Variants in MEGF10 observed in about 807,000 individuals in gnomAD.
MEGF10 encodes the protein multiple epidermal growth factor-like domains protein 10.
A neutral mutation model predicts 147.5 loss-of-function variants in MEGF10; 86 were observed. The ratio of observed to expected loss-of-function variants is 0.58; its 90% confidence interval spans 0.49 to 0.70. The LOEUF is 0.70. Ranked by LOEUF, MEGF10 falls within the 30% of genes least tolerant of loss-of-function variation. The pLI is 0.00. For missense variants in MEGF10, 1,329 were observed against 1,487.3 expected, an observed-to-expected ratio of 0.89 and a Z score of 1.75; for synonymous variants, 478 against 525.5, an observed-to-expected ratio of 0.91 and a Z score of 1.24.
chr5:127,423,817 T>G (rs1447853394), intron 13 of MEGF10, among the ~76,000 whole-genome samples: 1 of 152,174 alleles, frequency 6.6e-6, no homozygotes, highest in East Asian at 1.9e-4. Context: ...TTTTATTCCA[T>G]TCTTTGAGTT....
At chr5:127,451,654 C>T (rs191041138) in intron 22 of MEGF10, among the ~76,000 whole-genome samples, 57 of 152,284 alleles carry the variant, frequency 3.7e-4, no homozygotes, top group African/African-American at 1.2e-3. Flanking sequence ...CCAGAAGATA[C>T]GGCATCACTG....
At position 127,457,365 on chromosome 5, in the gene MEGF10, T is replaced by C. The variant is rs1273378262; in HGVS notation, c.*47T>C. The C allele has an allele frequency of 6.4e-7, 1 of 1,568,170 alleles. No homozygotes were observed. The highest frequency in any genetic ancestry group is 1.8e-5 in the Admixed American group (1 of 54,550). On this transcript the variant is annotated 3_prime_UTR_variant, in exon 25 of 25. Coordinates refer to ENST00000503335, the MANE Select transcript of MEGF10 (RefSeq NM_001256545.2). ...CCACTGGAACCCTTTCCAGAACTGC[T>C]GTTTGGTTCTTCTCCATCCTCAATT... is the stretch of plus-strand genomic sequence containing the variant.
intron 4 of MEGF10, among the ~76,000 whole-genome samples, chr5:127,352,432 C>T (rs1762116169): frequency 6.6e-6 from 1 of 152,162 alleles, no homozygotes; most frequent in South Asian, 2.1e-4. Flanking sequence ...GAGGCCGAGG[C>T]AGGCAGATCA....
chr5:127,392,952 A>T (rs781341958), intron 5 of MEGF10, among the ~76,000 whole-genome samples: 6 of 152,328 alleles, frequency 3.9e-5, no homozygotes, highest in Admixed American at 2.6e-4. Context: ...CTGAGAGCCC[A>T]TTTCCGGCGG....
At chr5:127,355,533 C>T (rs1469014012) in intron 4 of MEGF10, among the ~76,000 whole-genome samples, 3 of 152,094 alleles carry the variant, frequency 2.0e-5, no homozygotes, top group East Asian at 1.9e-4. Context: ...TGGTGTCCGA[C>T]GTGGTTCAGA....
At chr5:127,453,646 A>G (rs748062746) in intron 22 of MEGF10, among the ~76,000 whole-genome samples, 2 of 152,178 alleles carry the variant, frequency 1.3e-5, no homozygotes, top group Non-Finnish European at 2.9e-5. Flanking sequence ...TATAACATGT[A>G]ATTCCTTTGT....
the MEGF10 span, among the ~76,000 whole-genome samples, chr5:127,246,794 ATATT>A: frequency 1.6e-5 from 2 of 124,978 alleles, no homozygotes; most frequent in African/African-American, 5.7e-5. Flanking sequence ...ATAATTTATA[ATATT>A]TATAAATATT....
chr5:127,343,842 C>A (rs781125481), intron 4 of MEGF10, among the ~76,000 whole-genome samples: 1 of 151,920 alleles, frequency 6.6e-6, no homozygotes, highest in Non-Finnish European at 1.5e-5. Context: ...GAGTGGGCTG[C>A]CAGTTCAAAG....
At chr5:127,393,818 T>G (rs1354977230) in intron 5 of MEGF10, among the ~76,000 whole-genome samples, 1 of 152,024 alleles carries the variant, frequency 6.6e-6, no homozygotes, top group African/African-American at 2.4e-5. Flanking sequence ...AAGTTTTTTT[T>G]TTTCTTTTTT....
chr5:127,258,470 T>G, the MEGF10 span, among the ~76,000 whole-genome samples: 1 of 152,170 alleles, frequency 6.6e-6, no homozygotes, highest in Non-Finnish European at 1.5e-5. Context: ...ATTTGATTTT[T>G]TTGCTTCAAA....
chr5:127,231,174 C>G, the MEGF10 span, among the ~76,000 whole-genome samples: 1 of 152,220 alleles, frequency 6.6e-6, no homozygotes, highest in South Asian at 2.1e-4. Flanking sequence ...ACTCTTCACC[C>G]TGTAGTCATC....
intron 5 of MEGF10, among the ~76,000 whole-genome samples, chr5:127,394,672 A>G (rs751727180): frequency 6.6e-5 from 10 of 152,138 alleles, no homozygotes; most frequent in Non-Finnish European, 1.0e-4. Flanking sequence ...AAAAAGACTC[A>G]TTGTCCATAT....
rs76319300 is a variant in MEGF10, at chr5:127,411,200, C to T, written c.1130+599C>T. 7.9e-3 allele frequency among the ~76,000 whole-genome samples: 1,208 copies of T among 152,252 alleles called. 14 individuals are homozygous for T. The highest frequency in any genetic ancestry group is 0.028 in the African/African-American group (1,165 of 41,550). ...CCAAGAATTTGAGAACAGGAAACCACGATCCTACCCACCCTACTGTACCTT... is the reference window on the plus strand; with the variant it reads ...CCAAGAATTTGAGAACAGGAAACCATGATCCTACCCACCCTACTGTACCTT... On this transcript the variant is annotated intron_variant, in intron 9 of 24. Transcript: ENST00000503335.
At chr5:127,454,084 A>G (rs189315641) in intron 22 of MEGF10, among the ~76,000 whole-genome samples, 187 of 152,344 alleles carry the variant, frequency 1.2e-3, no homozygotes, top group Non-Finnish European at 1.4e-3. Context: ...AAGAGCTAGT[A>G]TCACCTGTAA....
At chr5:127,309,725 A>G (rs1418054103) in intron 1 of MEGF10, among the ~76,000 whole-genome samples, 1 of 152,100 alleles carries the variant, frequency 6.6e-6, no homozygotes. Flanking sequence ...CCTTTTGAGT[A>G]TTGTGAATAG....
chr5:127,404,418 G>A (rs991218176), intron 8 of MEGF10, among the ~76,000 whole-genome samples: 4 of 151,988 alleles, frequency 2.6e-5, no homozygotes, highest in African/African-American at 4.8e-5. Context: ...GGTGAAGACC[G>A]CAATTACTTT....
intron 13 of MEGF10, among the ~76,000 whole-genome samples, chr5:127,429,184 T>A (rs558889672): frequency 8.9e-4 from 136 of 152,358 alleles, no homozygotes; most frequent in African/African-American, 3.2e-3. Context: ...AAAGTTTCTA[T>A]CTGTTTTTTG....
chr5:127,391,102 G>GCGCGCGCGCGCACACACACA (rs1426600414), intron 5 of MEGF10, among the ~76,000 whole-genome samples: 2 of 53,894 alleles, frequency 3.7e-5, no homozygotes, highest in East Asian at 3.7e-4. Flanking sequence ...GCGCGCGCGC[G>GCGCGCGCGCGCACACACACA]CACACACACA....
the MEGF10 span, among the ~76,000 whole-genome samples, chr5:127,232,772 C>T: frequency 6.6e-6 from 1 of 151,952 alleles, no homozygotes; most frequent in Non-Finnish European, 1.5e-5. Flanking sequence ...TGGATGAATA[C>T]AAGCATTAAA....
Sources: gnomAD v4.1 joint callset for allele counts (sites outside exome capture counted in the v4.1 genomes callset) on GRCh38, gnomAD v4.1.1 for gene constraint, MANE v1.5 for transcripts, NCBI Gene and HGNC (gene_info 2026-07-23, HGNC 2026-07-21) for gene names.